Variants in SHROOM4 observed in about 807,000 individuals in gnomAD.
SHROOM4 encodes shroom family member 4.
Under a neutral mutation model 80.3 loss-of-function variants are expected in SHROOM4, and 17 were observed. That is an observed-to-expected ratio of 0.21 (90% CI 0.14 to 0.32). SHROOM4 has a LOEUF of 0.32. Ranked by LOEUF, SHROOM4 falls within the 10% of genes least tolerant of loss-of-function variation. SHROOM4 has a pLI of 1.00. For missense variants in SHROOM4, 993 were observed against 1,140.3 expected (o/e 0.87, Z 1.86); for synonymous variants, 400 against 437.5 (o/e 0.91, Z 1.07).
intron 1 of SHROOM4, among the ~76,000 whole-genome samples, chrX:50,805,829 A>G (rs782588037): frequency 5.4e-5 from 6 of 111,810 alleles, no homozygotes; most frequent in Admixed American, 9.5e-5. Context: ...GAAACAGGAT[A>G]GAGAGAGATG....
intron 1 of SHROOM4, among the ~76,000 whole-genome samples, chrX:50,768,352 A>G (rs1436408880): frequency 8.9e-6 from 1 of 112,143 alleles, no homozygotes; most frequent in African/African-American, 3.2e-5. Flanking sequence ...AAAGAGAAGG[A>G]TACCTTCATT....
rs1557255450 is a variant in SHROOM4 at position 50,634,848 on chromosome X, G to A, written c.1225C>T (p.Arg409Cys). 1 of 1,207,918 alleles carries A rather than the reference G, an allele frequency of 8.3e-7. No homozygotes were observed. The highest frequency in any genetic ancestry group is 1.1e-6 in the Non-Finnish European group (1 of 893,295). The change falls in exon 4 of 9, where the codon CGC (arginine) becomes TGC (cysteine). Residue 409 changes from arginine to cysteine, a missense_variant. Physicochemically the swap from Arg to Cys is radical, Grantham distance 180. Transcript: ENST00000376020. Reference protein sequence around the residue: ...PPHLIGPTGHRHSAPEQLLAS... With the variant: ...PPHLIGPTGHCHSAPEQLLAS... ...AGCAGCTGTTCAGGGGCACTATGGCGATGCCCTGTGGGTCCTATGAGATGT... is the reference window on the plus strand; with the variant it reads ...AGCAGCTGTTCAGGGGCACTATGGCAATGCCCTGTGGGTCCTATGAGATGT...
Position 50,618,410 on chromosome X carries a change from T to C in SHROOM4, c.2957+9204A>G, listed in dbSNP as rs1438995148. Among the ~76,000 whole-genome samples the C allele has an allele frequency of 1.6e-4, 13 of 83,763 alleles. 1 individual carries two copies. The highest frequency in any genetic ancestry group is 2.8e-4 in the Non-Finnish European group (12 of 43,272). The allele number at this position is 83,763 out of a possible 115,157, so 72.7% of individuals were successfully genotyped here. On this transcript the variant is annotated intron_variant, in intron 5 of 8. Transcript: ENST00000376020. The stretch of plus-strand genomic sequence containing the variant: ...TTCCTTCCTTCCTTCCTTCCTTCCT[T>C]CCTTCCTTCCTTTCTTATTTTTGAG...
intron 2 of SHROOM4, among the ~76,000 whole-genome samples, chrX:50,658,986 T>C (rs1364244853): frequency 8.1e-5 from 9 of 111,694 alleles, no homozygotes; most frequent in Non-Finnish European, 1.7e-4. Context: ...ATACAGAATA[T>C]ATAATGTCTA....
At chrX:50,576,726 A>G in the SHROOM4 span, among the ~76,000 whole-genome samples, 1 of 110,872 alleles carries the variant, frequency 9.0e-6, no homozygotes, top group African/African-American at 3.3e-5. Context: ...ATTCATCTGT[A>G]GTGTTCTTGA....
Position 50,685,340 on chromosome X carries a change from G to A in SHROOM4, c.269+10446C>T, listed in dbSNP as rs782114089. On this transcript the variant is annotated intron_variant, in intron 2 of 8. Coordinates refer to ENST00000376020, the MANE Select transcript of SHROOM4 (RefSeq NM_020717.5). ...ATTAGGACACTGGAGGGGGTTGGTTGGGTAAGGGTTAATGTACACCTTGGA... is the reference window on the plus strand; with the variant it reads ...ATTAGGACACTGGAGGGGGTTGGTTAGGTAAGGGTTAATGTACACCTTGGA... 2.7e-5 allele frequency among the ~76,000 whole-genome samples: 3 copies of A among 111,524 alleles called. No individual in the cohort carries two copies. The South Asian group carries it at 1.1e-3, about 43-fold the overall frequency.
At chrX:50,666,060 C>T (rs1932678615) in intron 2 of SHROOM4, among the ~76,000 whole-genome samples, 2 of 112,094 alleles carry the variant, frequency 1.8e-5, no homozygotes, top group Admixed American at 1.9e-4. Flanking sequence ...CAAAACTCAG[C>T]CCCGTTTATA....
chrX:50,652,073 C>T (rs57794018), intron 2 of SHROOM4, among the ~76,000 whole-genome samples: 8,448 of 111,585 alleles, frequency 0.076, 806 homozygotes, highest in African/African-American at 0.26. Flanking sequence ...AGTAGAGTGA[C>T]TTATAATCCT....
intron 2 of SHROOM4, among the ~76,000 whole-genome samples, chrX:50,655,411 T>C (rs781833256): frequency 8.2e-5 from 9 of 109,497 alleles, no homozygotes; most frequent in Admixed American, 4.9e-4. Flanking sequence ...CATAATGTCC[T>C]TCAGTATCAT....
At chrX:50,662,620 G>A (rs1245574199) in intron 2 of SHROOM4, among the ~76,000 whole-genome samples, 2 of 111,567 alleles carry the variant, frequency 1.8e-5, no homozygotes, top group Non-Finnish European at 3.8e-5. Flanking sequence ...ATTTCCAAAG[G>A]GCTTATGTAT....
At chrX:50,612,853 C>G (rs2147245074) in intron 5 of SHROOM4, among the ~76,000 whole-genome samples, 1 of 110,141 alleles carries the variant, frequency 9.1e-6, no homozygotes, top group Admixed American at 9.6e-5. Flanking sequence ...AAAAACCTAA[C>G]AGAAAAAGAT....
At chrX:50,615,171 T>C (rs1930183299) in intron 5 of SHROOM4, among the ~76,000 whole-genome samples, 1 of 110,115 alleles carries the variant, frequency 9.1e-6, no homozygotes, top group African/African-American at 3.3e-5. Flanking sequence ...AATTAAAAAT[T>C]AGTAAACAGA....
At chrX:50,739,107 C>A (rs782106345) in intron 1 of SHROOM4, among the ~76,000 whole-genome samples, 1 of 111,418 alleles carries the variant, frequency 9.0e-6, no homozygotes, top group East Asian at 2.8e-4. Context: ...ATAAATGGTG[C>A]TGGGAAAACT....
downstream of SHROOM4, among the ~76,000 whole-genome samples, chrX:50,585,281 G>A (rs981035695): frequency 1.8e-5 from 2 of 111,718 alleles, no homozygotes; most frequent in Non-Finnish European, 3.8e-5. Context: ...ACTGTTATTA[G>A]TATATCAACA....
chrX:50,765,767 G>A (rs1935261668), intron 1 of SHROOM4, among the ~76,000 whole-genome samples: 1 of 111,587 alleles, frequency 9.0e-6, no homozygotes, highest in Admixed American at 9.5e-5. Context: ...ACATGAACTG[G>A]CCGAGAAATC....
At chrX:50,703,135 A>G (rs1417510283) in intron 1 of SHROOM4, among the ~76,000 whole-genome samples, 1 of 111,841 alleles carries the variant, frequency 8.9e-6, no homozygotes, top group African/African-American at 3.3e-5. Context: ...TAGAAGGTAG[A>G]GGATTTCAGT....
intron 1 of SHROOM4, among the ~76,000 whole-genome samples, chrX:50,730,782 G>GA (rs11352904): frequency 0.067 from 6,507 of 96,851 alleles, 370 homozygotes; most frequent in African/African-American, 0.18. Context: ...CTCAGAAAAA[G>GA]AAAAAAAAAA....
chrX:50,639,019 G>A (rs1484671507), intron 2 of SHROOM4, among the ~76,000 whole-genome samples: 1 of 112,775 alleles, frequency 8.9e-6, no homozygotes, highest in African/African-American at 3.2e-5. Context: ...ACAAAGTGGT[G>A]AATGCACCAT....
intron 1 of SHROOM4, among the ~76,000 whole-genome samples, chrX:50,700,635 C>T (rs937838176): frequency 1.8e-5 from 2 of 111,477 alleles, no homozygotes; most frequent in Non-Finnish European, 3.8e-5. Flanking sequence ...GCTTTCAAAC[C>T]TCGGCAGTCT....
Sources: gnomAD v4.1 joint callset for allele counts (sites outside exome capture counted in the v4.1 genomes callset) on GRCh38, gnomAD v4.1.1 for gene constraint, MANE v1.5 for transcripts, NCBI Gene and HGNC (gene_info 2026-07-23, HGNC 2026-07-21) for gene names.